RAPGEF2: variants seen among roughly 807,000 people sequenced by gnomAD.
RAPGEF2 encodes the protein PDZ domain containing guanine nucleotide exchange factor (GEF) 1.
Under a neutral mutation model 186.7 loss-of-function variants are expected in RAPGEF2, and 54 were observed. The ratio of observed to expected loss-of-function variants is 0.29; its 90% CI spans 0.23 to 0.36. The LOEUF is 0.36. Ranked by LOEUF, RAPGEF2 falls within the 10% of genes least tolerant of loss-of-function variation. The pLI is 1.00. For synonymous variants in RAPGEF2, 712 were observed against 705.9 expected, an observed-to-expected ratio of 1.01 and a Z score of -0.14; for missense variants, 1,532 against 2,045.0, an observed-to-expected ratio of 0.75 and a Z score of 4.84.
At chr4:159,169,120 T>C (rs909383409) in intron 1 of RAPGEF2, among the ~76,000 whole-genome samples, 4 of 152,198 alleles carry the variant, frequency 2.6e-5, no homozygotes, top group African/African-American at 4.8e-5. Flanking sequence ...TTCAATACTT[T>C]GAATTGACCA....
Position 159,193,266 on chromosome 4 carries a change from T to C in RAPGEF2, c.197+10T>C. On this transcript the variant is annotated intron_variant, in intron 3 of 29. Transcript: ENST00000691494. ...ATGAAGTTTTATACTAGTAGGTGTT[T>C]CCTTTTTGTTTGTACAATGTATCTA... 6.8e-7 allele frequency: 1 copy of C among 1,471,862 alleles called. No homozygotes were observed. The allele number at this position is 1,471,862 out of a possible 1,614,324, so 91.2% of individuals were successfully genotyped here. A position where few individuals can be genotyped will look rare whatever the true frequency, so the allele number is the denominator to read the frequency against.
chr4:159,345,119 G>T lies in RAPGEF2; in HGVS notation c.3292G>T (p.Gly1098Cys), dbSNP rs368419333. Residue 1098 changes from glycine to cysteine, a missense_variant, in exon 24 of 30, where the codon GGT becomes TGT. Physicochemically the swap from Gly to Cys is radical, Grantham distance 159. This residue lies in a region of RAPGEF2 where 117 missense variants were observed against 180.8 expected (regional missense o/e 0.65). Transcript: ENST00000691494. ...KWRSLGSLSQGSTNATVLDVA... is the reference protein window; with the variant it reads ...KWRSLGSLSQCSTNATVLDVA... Reference sequence around the variant, plus strand: ...TTCATCTTCCAGGTCTCTCAGCCAGGGTAGTACAAATGCAACAGTGCTAGA... The same window carrying T: ...TTCATCTTCCAGGTCTCTCAGCCAGTGTAGTACAAATGCAACAGTGCTAGA... 6.2e-7 allele frequency: 1 copy of T among 1,613,778 alleles called. No individual in the cohort carries two copies. Among genetic ancestry groups the T allele is most frequent in the African/African-American group, 1.3e-5 (1 of 74,884 alleles).
chr4:159,299,625 A>C (rs1435783155), intron 7 of RAPGEF2, among the ~76,000 whole-genome samples: 1 of 151,960 alleles, frequency 6.6e-6, no homozygotes, highest in African/African-American at 2.4e-5. Context: ...TATTTTACCA[A>C]TTTAACTTTT....
At chr4:159,243,324 A>C (rs1377172421) in intron 6 of RAPGEF2, among the ~76,000 whole-genome samples, 1 of 151,850 alleles carries the variant, frequency 6.6e-6, no homozygotes, top group Admixed American at 6.6e-5. Context: ...TTGGGGTGTA[A>C]AAATAACATT....
intron 1 of RAPGEF2, among the ~76,000 whole-genome samples, chr4:159,160,676 T>G (rs942390611): frequency 2.6e-5 from 4 of 152,240 alleles, no homozygotes; most frequent in African/African-American, 9.6e-5. Flanking sequence ...TAGCAAACTA[T>G]ATGGATGAAG....
chr4:159,277,278 A>G (rs1297127866), intron 7 of RAPGEF2, among the ~76,000 whole-genome samples: 1 of 152,158 alleles, frequency 6.6e-6, no homozygotes, highest in African/African-American at 2.4e-5. Context: ...GCTACATAGT[A>G]TTCCATGGTG....
At chr4:159,198,260 CTCTTTCTTTCCT>C (rs1432194127) in intron 3 of RAPGEF2, among the ~76,000 whole-genome samples, 16 of 64,146 alleles carry the variant, frequency 2.5e-4, no homozygotes, top group African/African-American at 8.1e-4. Flanking sequence ...TTCTTTCTTT[CTCTTTCTTTCCT>C]TCTTTCTTTC....
At chr4:159,329,568 A>G (rs58477353) in intron 11 of RAPGEF2, 5,770 of 178,886 alleles carry the variant, frequency 0.032, 241 homozygotes, top group African/African-American at 0.099. Flanking sequence ...TAATTGTGAA[A>G]GAAGCATGAA....
At chr4:159,330,060 T>C in intron 12 of RAPGEF2, 50 bp downstream of exon 12, 1 of 1,558,440 alleles carries the variant, frequency 6.4e-7, no homozygotes, top group Non-Finnish European at 8.7e-7. Context: ...TTTTTGGTAG[T>C]ATTGGTTGTG....
intron 1 of RAPGEF2, among the ~76,000 whole-genome samples, chr4:159,118,905 G>A (rs866263640): frequency 3.3e-5 from 5 of 152,240 alleles, no homozygotes; most frequent in African/African-American, 9.6e-5. Context: ...TCTTAACACA[G>A]TCTCTGGCAT....
chr4:159,180,547 G>A (rs532507474), intron 1 of RAPGEF2, among the ~76,000 whole-genome samples: 1 of 152,114 alleles, frequency 6.6e-6, no homozygotes, highest in Non-Finnish European at 1.5e-5. Flanking sequence ...GGCACAGACC[G>A]TTTAAAACAA....
chr4:159,295,570 G>A (rs990850674), intron 7 of RAPGEF2, among the ~76,000 whole-genome samples: 1 of 152,066 alleles, frequency 6.6e-6, no homozygotes, highest in Admixed American at 6.5e-5. Context: ...CAGTTCGATT[G>A]TACCATTTGA....
chr4:159,149,916 T>C lies in RAPGEF2; in HGVS notation c.70-36726T>C, dbSNP rs183490884. ...AATGTAATTTCAAAACTTTATAAAA[T>C]GTTGTGGCACTAACACTGGTCTAAA... On this transcript the variant is annotated intron_variant, in intron 1 of 29. Coordinates refer to ENST00000691494, the MANE Select transcript of RAPGEF2 (RefSeq NM_001394067.2). Among the ~76,000 whole-genome samples the C allele has an allele frequency of 2.4e-3, 358 of 152,284 alleles. 3 individuals are homozygous for C. Among genetic ancestry groups the C allele is most frequent in the African/African-American group, 7.0e-3 (291 of 41,558 alleles).
chr4:159,172,648 G>A (rs936774287), intron 1 of RAPGEF2, among the ~76,000 whole-genome samples: 12 of 152,110 alleles, frequency 7.9e-5, no homozygotes, highest in Non-Finnish European at 1.5e-4. Flanking sequence ...TGTAATGCAC[G>A]CATGCTACTT....
At chr4:159,158,959 G>T (rs1320388739) in intron 1 of RAPGEF2, among the ~76,000 whole-genome samples, 1 of 152,108 alleles carries the variant, frequency 6.6e-6, no homozygotes, top group Admixed American at 6.5e-5. Context: ...GCGTTTAAGT[G>T]TTTTATAATC....
chr4:159,118,903 C>T (rs1739357853), intron 1 of RAPGEF2, among the ~76,000 whole-genome samples: 1 of 152,162 alleles, frequency 6.6e-6, no homozygotes, highest in Admixed American at 6.5e-5. Context: ...GTTCTTAACA[C>T]AGTCTCTGGC....
intron 1 of RAPGEF2, among the ~76,000 whole-genome samples, chr4:159,129,720 A>G (rs902561281): frequency 6.6e-6 from 1 of 152,138 alleles, no homozygotes; most frequent in South Asian, 2.1e-4. Flanking sequence ...ATGAAGTTCT[A>G]ATTTAGTTAG....
chr4:159,275,169 GTC>G (rs1758689680), intron 7 of RAPGEF2, among the ~76,000 whole-genome samples: 1 of 150,848 alleles, frequency 6.6e-6, no homozygotes, highest in African/African-American at 2.4e-5. Flanking sequence ...ATCATCCACT[GTC>G]TATATTTCTT....
intron 7 of RAPGEF2, among the ~76,000 whole-genome samples, chr4:159,267,575 C>T (rs553366122): frequency 6.6e-6 from 1 of 152,218 alleles, no homozygotes; most frequent in Admixed American, 6.5e-5. Context: ...GAGGAGTTCC[C>T]GATTCACACG....
Sources: gnomAD v4.1 joint callset for allele counts (sites outside exome capture counted in the v4.1 genomes callset) on GRCh38, gnomAD v4.1.1 for gene constraint, gnomAD v4.1.1 regional missense constraint, MANE v1.5 for transcripts, NCBI Gene and HGNC (gene_info 2026-07-23, HGNC 2026-07-21) for gene names.